The following SP110 variants were observed in gnomAD, a reference collection of about 807,000 sequenced individuals.
SP110 encodes SP110 nuclear body protein.
SP110 carries 62 observed loss-of-function variants against 92.7 expected under a neutral mutation model. The ratio of observed to expected loss-of-function variants is 0.67; its 90% CI spans 0.55 to 0.83. The LOEUF is 0.83. Among genes scored for constraint, SP110 ranks in the 40% least tolerant of loss-of-function variants. The pLI is 0.00. For missense variants in SP110, 793 were observed against 863.9 expected (o/e 0.92, Z 1.03); for synonymous variants, 273 against 305.3 (o/e 0.89, Z 1.10).
upstream of SP110, among the ~76,000 whole-genome samples, chr2:230,224,210 T>C (rs1382900660): frequency 6.6e-6 from 1 of 152,214 alleles, no homozygotes; most frequent in African/African-American, 2.4e-5. Flanking sequence ...AATGGCCTTG[T>C]GCTTATAAGC....
At chr2:230,178,377 C>T (rs1278727648) in intron 12 of SP110, 122 bp from the exon 13 acceptor site, 7 of 688,272 alleles carry the variant, frequency 1.0e-5, no homozygotes, top group African/African-American at 5.3e-5. Context: ...GGTTAGTTTG[C>T]AGGAACTCTT....
At position 230,180,361 on chromosome 2, in the gene SP110, A is replaced by G. The variant is rs573001451; in HGVS notation, c.1349-2106T>C. 7.9e-5 allele frequency among the ~76,000 whole-genome samples: 12 copies of G among 151,196 alleles called. No individual in the cohort carries two copies. The South Asian group carries it at 2.5e-3, about 32-fold the overall frequency. ...CACAAGGTGGAAATTATGCATGGAA[A>G]GACCACAGGCCTGGGGAGTGATTTG... is the stretch of plus-strand genomic sequence containing the variant. On this transcript the variant is annotated intron_variant, in intron 12 of 18. Transcript: ENST00000258381.
intron 11 of SP110, among the ~76,000 whole-genome samples, chr2:230,184,613 C>A (rs920747545): frequency 6.6e-6 from 1 of 152,066 alleles, no homozygotes; most frequent in Admixed American, 6.6e-5. Context: ...AATGGCTCCA[C>A]AACCAAAAGC....
At chr2:230,171,253 T>C (rs534236494) in intron 17 of SP110, among the ~76,000 whole-genome samples, 10 of 152,302 alleles carry the variant, frequency 6.6e-5, no homozygotes, top group Admixed American at 6.5e-4. Context: ...CCACCATGCC[T>C]GGCTAATTTT....
intron 14 of SP110, 163 bp from the exon 15 acceptor site, chr2:230,173,122 G>C (rs187424733): frequency 1.6e-6 from 1 of 632,892 alleles, no homozygotes; most frequent in East Asian, 3.0e-5. Flanking sequence ...GAAATTGCAA[G>C]ACAAATGGCA....
At chr2:230,201,703 A>T (rs2043198227) in intron 9 of SP110, among the ~76,000 whole-genome samples, 1 of 152,248 alleles carries the variant, frequency 6.6e-6, no homozygotes, top group Non-Finnish European at 1.5e-5. Context: ...CTCACTGTAT[A>T]ATTCCAAATG....
At chr2:230,206,597 A>ATT (rs1255888269) in intron 8 of SP110, among the ~76,000 whole-genome samples, 1 of 29,478 alleles carries the variant, frequency 3.4e-5, no homozygotes, top group African/African-American at 2.3e-4. Context: ...TCCAGATTTT[A>ATT]TATATATATA....
At chr2:230,220,040 T>C (rs2045668220), upstream of SP110, 3 of 985,364 alleles carry the variant, frequency 3.0e-6, no homozygotes, top group African/African-American at 5.2e-5. Context: ...GTGAAAGTTT[T>C]CGGAGTTTGC....
intron 14 of SP110, chr2:230,173,558 T>C (rs773552138): frequency 8.8e-5 from 14 of 158,738 alleles, no homozygotes; most frequent in Admixed American, 1.8e-4. Context: ...GTTAAAATAT[T>C]TAATACTGAT....
upstream of SP110, among the ~76,000 whole-genome samples, chr2:230,222,455 G>A (rs1035859427): frequency 6.6e-6 from 1 of 152,144 alleles, no homozygotes; most frequent in Non-Finnish European, 1.5e-5. Context: ...AGAGTCGCTT[G>A]TGCCTATAAT....
intron 8 of SP110, among the ~76,000 whole-genome samples, chr2:230,206,594 T>TA (rs2043839159): frequency 1.1e-4 from 11 of 101,620 alleles, no homozygotes; most frequent in South Asian, 6.7e-4. Context: ...TGGTCCAGAT[T>TA]TTATATATAT....
In SP110 at chr2:230,178,839, C is replaced by G. The variant is rs966191840; in HGVS notation, c.1349-584G>C. ...CATGGAGCAGTCTGGCAACTCAGAA[C>G]CCCTGGGTAGAAATCCAGAGTTTAG... On this transcript the variant is annotated intron_variant, in intron 12 of 18. Coordinates refer to ENST00000258381, the MANE Select transcript of SP110 (RefSeq NM_080424.4). 2.0e-5 allele frequency among the ~76,000 whole-genome samples: 3 copies of G among 152,182 alleles called. No individual in the cohort carries two copies. In the East Asian group the frequency reaches 5.8e-4, roughly 29 times the overall value.
Position 230,200,893 on chromosome 2 carries a change from A to G in SP110, c.1121T>C (p.Val374Ala), listed in dbSNP as rs200263454. The G allele has an allele frequency of 1.3e-5, 21 of 1,611,848 alleles. No homozygotes were observed. The South Asian group carries it at 2.3e-4, about 18-fold the overall frequency. The part of the protein sequence containing the change: ...SQKTPSTPRR[V>A]TQGAASPGHG... Reference sequence around the variant, plus strand: ...CAATCTCCAAGTTTTACCTTGTGTGACCCTTCGTGGTGTACTAGGCGTCTT... The same window carrying G: ...CAATCTCCAAGTTTTACCTTGTGTGGCCCTTCGTGGTGTACTAGGCGTCTT... Residue 374 changes from valine to alanine, a missense_variant, in exon 10 of 19, where the codon GTC becomes GCC. Coordinates refer to ENST00000258381, the MANE Select transcript of SP110 (RefSeq NM_080424.4).
chr2:230,224,143 T>C (rs1253204267), upstream of SP110, among the ~76,000 whole-genome samples: 1 of 152,186 alleles, frequency 6.6e-6, no homozygotes, highest in African/African-American at 2.4e-5. Context: ...GGCTTTCTAG[T>C]AGTAGCAGCA....
At chr2:230,224,870 C>A (rs1312177253), upstream of SP110, among the ~76,000 whole-genome samples, 1 of 152,190 alleles carries the variant, frequency 6.6e-6, no homozygotes, top group Non-Finnish European at 1.5e-5. Flanking sequence ...GCCTGGATTT[C>A]TAGTCCTGTG....
upstream of SP110, chr2:230,220,005 G>A (rs1333241839): frequency 3.0e-6 from 3 of 985,634 alleles, no homozygotes; most frequent in South Asian, 1.4e-4. Flanking sequence ...ACGCAGTAAG[G>A]GGCCGGGCTT....
At chr2:230,218,676 G>C (rs772298663) in intron 1 of SP110, among the ~76,000 whole-genome samples, 14 of 152,188 alleles carry the variant, frequency 9.2e-5, no homozygotes, top group Non-Finnish European at 1.6e-4. Context: ...GAGAGGTTTA[G>C]TAACTCACCC....
At chr2:230,200,797 A>G in intron 10 of SP110, 88 bp downstream of exon 10, 1 of 1,052,080 alleles carries the variant, frequency 9.5e-7, no homozygotes, top group East Asian at 2.4e-5. Flanking sequence ...GAAAAAAAAA[A>G]GTTAAGAAAT....
chr2:230,170,665 G>C lies in SP110; in HGVS notation c.1984C>G (p.Arg662Gly). Residue 662 changes from arginine to glycine, a missense_variant, in exon 18 of 19, where the codon CGA becomes GGA. Arg to Gly is a moderately radical substitution (Grantham distance 125). Transcript: ENST00000258381. ...TEMYTVAWFV[R>G]DMRLMFRNHK... ...TTGCGAAACATCAGGCGCATGTCTC[G>C]CACAAACCATGCCACCGTGTACATT... The C allele has an allele frequency of 3.1e-6, 5 of 1,614,014 alleles. No homozygotes were observed. The highest frequency in any genetic ancestry group is 4.2e-6 in the Non-Finnish European group (5 of 1,179,980).
Sources: allele counts gnomAD v4.1 joint callset (sites outside exome capture counted in the v4.1 genomes callset), GRCh38; gene constraint gnomAD v4.1.1; transcripts MANE v1.5; gene names NCBI Gene and HGNC (gene_info 2026-07-23, HGNC 2026-07-21).